FGF12: variants seen among roughly 807,000 people sequenced by gnomAD.
FGF12 encodes fibroblast growth factor 12.
A neutral mutation model predicts 23.6 loss-of-function variants in FGF12; 14 were observed. That is an observed-to-expected ratio of 0.59 (90% CI 0.39 to 0.93). The LOEUF (loss-of-function observed/expected upper bound fraction) is 0.93. Among genes scored for constraint, FGF12 ranks in the 40% least tolerant of loss-of-function variants. The probability of loss-of-function intolerance (pLI) is 0.00; values close to 1 mark genes in which losing one functional copy is unlikely to be tolerated. For synonymous variants in FGF12, 62 were observed against 77.3 expected (o/e 0.80, Z 1.04); for missense variants, 175 against 217.8 (o/e 0.80, Z 1.24).
At chr3:192,358,616 C>T (rs1239496869) in intron 3 of FGF12, among the ~76,000 whole-genome samples, 3 of 152,142 alleles carry the variant, frequency 2.0e-5, no homozygotes, top group African/African-American at 7.2e-5. Flanking sequence ...GCAGAGCAAG[C>T]GTTGTCAATT....
chr3:192,173,635 A>ATT (rs199830196), intron 4 of FGF12, among the ~76,000 whole-genome samples: 2 of 151,528 alleles, frequency 1.3e-5, no homozygotes, highest in Admixed American at 6.6e-5. Flanking sequence ...GCTTTTTATT[A>ATT]TTTTTTTTTC....
At chr3:192,519,242 A>G (rs1724754473) in intron 2 of FGF12, among the ~76,000 whole-genome samples, 1 of 152,278 alleles carries the variant, frequency 6.6e-6, no homozygotes, top group South Asian at 2.1e-4. Context: ...TTGTCATGTC[A>G]CTTGAATCTC....
chr3:192,354,175 A>G (rs1235099087), intron 3 of FGF12, among the ~76,000 whole-genome samples: 1 of 152,232 alleles, frequency 6.6e-6, no homozygotes, highest in Non-Finnish European at 1.5e-5. Flanking sequence ...TGTTGTTGCT[A>G]AACTCACAGT....
intron 2 of FGF12, among the ~76,000 whole-genome samples, chr3:192,619,818 C>T (rs1714904415): frequency 6.6e-6 from 1 of 152,126 alleles, no homozygotes; most frequent in Non-Finnish European, 1.5e-5. Context: ...TTTGTCATAT[C>T]TTCAATCAGG....
intron 2 of FGF12, among the ~76,000 whole-genome samples, chr3:192,490,181 T>C (rs539397051): frequency 6.6e-6 from 1 of 152,098 alleles, no homozygotes; most frequent in South Asian, 2.1e-4. Flanking sequence ...TTTCTTGTGT[T>C]TCTCTTTAAA....
chr3:192,712,247 G>C (rs886921942), intron 2 of FGF12, among the ~76,000 whole-genome samples: 2 of 151,398 alleles, frequency 1.3e-5, no homozygotes, highest in Non-Finnish European at 2.9e-5. Flanking sequence ...AAACAAGTAA[G>C]ATTTCCAGAA....
chr3:192,172,719 G>GA (rs74361213), intron 4 of FGF12, among the ~76,000 whole-genome samples: 9,711 of 150,806 alleles, frequency 0.064, 762 homozygotes, highest in Middle Eastern at 0.12. Flanking sequence ...AGAAGCTGTG[G>GA]AAAATAGGTT....
At chr3:192,645,056 C>T (rs1326377457) in intron 2 of FGF12, among the ~76,000 whole-genome samples, 5 of 152,114 alleles carry the variant, frequency 3.3e-5, no homozygotes, top group African/African-American at 7.2e-5. Flanking sequence ...TAGCATATTT[C>T]GGGGAATAAA....
At chr3:192,680,684 T>C (rs371401690) in intron 2 of FGF12, among the ~76,000 whole-genome samples, 9 of 152,344 alleles carry the variant, frequency 5.9e-5, no homozygotes, top group East Asian at 3.9e-4. Context: ...CTTCCTCTCT[T>C]TTAACCATAG....
chr3:192,537,013 T>C (rs1020634494), intron 2 of FGF12, among the ~76,000 whole-genome samples: 7 of 152,132 alleles, frequency 4.6e-5, no homozygotes, highest in Non-Finnish European at 1.0e-4. Flanking sequence ...TTCAATTGTT[T>C]TAATTTTTAG....
intron 4 of FGF12, among the ~76,000 whole-genome samples, chr3:192,289,972 A>T (rs1714668384): frequency 6.6e-6 from 1 of 152,168 alleles, no homozygotes; most frequent in South Asian, 2.1e-4. Context: ...AAGCTCAAAG[A>T]GATCAAGTGA....
intron 3 of FGF12, among the ~76,000 whole-genome samples, chr3:192,347,824 C>T (rs1238842323): frequency 6.6e-6 from 1 of 152,078 alleles, no homozygotes; most frequent in African/African-American, 2.4e-5. Flanking sequence ...ATTGATTTCC[C>T]CTGTTGAGAC....
chr3:192,687,100 A>G (rs1411417548), intron 2 of FGF12, among the ~76,000 whole-genome samples: 2 of 150,330 alleles, frequency 1.3e-5, no homozygotes, highest in East Asian at 3.9e-4. Flanking sequence ...AAGTGCTGGG[A>G]TTACAGGTGT....
intron 2 of FGF12, among the ~76,000 whole-genome samples, chr3:192,598,856 C>T (rs1488156419): frequency 1.3e-5 from 2 of 152,100 alleles, no homozygotes; most frequent in African/African-American, 4.8e-5. Context: ...AGACTTGGAA[C>T]CAACCCAAAT....
chr3:192,191,663 G>A (rs1373247902), intron 4 of FGF12, among the ~76,000 whole-genome samples: 1 of 151,906 alleles, frequency 6.6e-6, no homozygotes, highest in African/African-American at 2.4e-5. Flanking sequence ...GTGAAACCCC[G>A]TCTCTACTAA....
chr3:192,286,827 T>C (rs536133517), intron 4 of FGF12, among the ~76,000 whole-genome samples: 3 of 152,148 alleles, frequency 2.0e-5, no homozygotes, highest in South Asian at 4.1e-4. Context: ...TGACCACTTA[T>C]GGGAAACTTT....
chr3:192,414,482 A>G (rs576689193), intron 2 of FGF12, among the ~76,000 whole-genome samples: 2 of 148,358 alleles, frequency 1.3e-5, no homozygotes, highest in African/African-American at 4.8e-5. Context: ...CATGTAATAA[A>G]GTCAATAAAA....
At chr3:192,598,343 C>G (rs1034479179) in intron 2 of FGF12, among the ~76,000 whole-genome samples, 2 of 152,176 alleles carry the variant, frequency 1.3e-5, no homozygotes, top group African/African-American at 4.8e-5. Context: ...CTTGTTCACC[C>G]TCAGCAACAC....
chr3:192,174,598 T>G (rs1715754868), intron 4 of FGF12, among the ~76,000 whole-genome samples: 1 of 152,176 alleles, frequency 6.6e-6, no homozygotes, highest in South Asian at 2.1e-4. Context: ...TGAACCAGCT[T>G]GGATAGTCAT....
Sources: gnomAD v4.1 joint callset for allele counts (sites outside exome capture counted in the v4.1 genomes callset) on GRCh38, gnomAD v4.1.1 for gene constraint, MANE v1.5 for transcripts, NCBI Gene and HGNC (gene_info 2026-07-23, HGNC 2026-07-21) for gene names.